The following BFSP1 variants were observed in gnomAD, a reference collection of about 807,000 sequenced individuals.
The protein encoded by BFSP1 is beaded filament structural protein 1.
Under a neutral mutation model 43.9 loss-of-function variants are expected in BFSP1, and 38 were observed. The ratio of observed to expected loss-of-function variants is 0.87; its 90% confidence interval spans 0.67 to 1.14. The LOEUF (loss-of-function observed/expected upper bound fraction) is 1.14. BFSP1 is among the 50% of genes most tolerant of loss of function. The pLI is 0.00. For synonymous variants in BFSP1, 352 were observed against 354.8 expected (o/e 0.99, Z 0.09); for missense variants, 850 against 875.1 (o/e 0.97, Z 0.36).
rs545032621 is a variant in BFSP1, at chr20:17,530,506, G to A, written c.377+447C>T. Among the ~76,000 whole-genome samples, 303 of 152,350 alleles carry A rather than the reference G, an allele frequency of 2.0e-3. 1 individual carries two copies. Among genetic ancestry groups the A allele is most frequent in the Non-Finnish European group, 3.3e-3 (227 of 68,028 alleles). ...TCTATTTTTGTGGAACTGTAGAATAGGCAAAGTCAATCTATGGTGATAGAA... is the reference window on the plus strand; with the variant it reads ...TCTATTTTTGTGGAACTGTAGAATAAGCAAAGTCAATCTATGGTGATAGAA... On this transcript the variant is annotated intron_variant, in intron 1 of 7. Coordinates refer to ENST00000377873, the MANE Select transcript of BFSP1 (RefSeq NM_001195.5).
intron 1 of BFSP1, among the ~76,000 whole-genome samples, chr20:17,566,316 T>G (rs2035119099): frequency 1.3e-5 from 2 of 152,182 alleles, no homozygotes; most frequent in Non-Finnish European, 2.9e-5. Context: ...TAATGTATCA[T>G]TTCTTCTTCC....
At position 17,553,834 on chromosome 20, in the gene BFSP1, TATAC is replaced by T. The variant is rs1342606403; in HGVS notation, c.2+4850_2+4853del. On this transcript the variant is annotated intron_variant, in intron 1 of 7. Transcript: ENST00000377868. Reference sequence around the variant, plus strand: ...ACACACACACACACACATATATATATATACACATATATATACATATATATACACA... The same window carrying T: ...ACACACACACACACACATATATATATACATATATATACATATATATACACA... 6.8e-4 allele frequency among the ~76,000 whole-genome samples: 58 copies of T among 84,976 alleles called. 1 individual carries two copies. The highest frequency in any genetic ancestry group is 8.7e-4 in the Non-Finnish European group (41 of 47,318). The allele number at this position is 84,976 out of a possible 152,430, so 55.7% of individuals were successfully genotyped here.
intron 2 of BFSP1, among the ~76,000 whole-genome samples, chr20:17,520,211 C>CG (rs201307572): frequency 0.023 from 2,188 of 95,212 alleles, 58 homozygotes; most frequent in African/African-American, 0.064. Flanking sequence ...TTTTAACGTG[C>CG]CCCCCCACCC....
intron 3 of BFSP1, among the ~76,000 whole-genome samples, chr20:17,512,534 T>A (rs145106444): frequency 6.6e-6 from 1 of 152,052 alleles, no homozygotes; most frequent in Non-Finnish European, 1.5e-5. Context: ...CTGGGCAACA[T>A]AGTAAGATCC....
upstream of BFSP1, among the ~76,000 whole-genome samples, chr20:17,532,485 A>T (rs1442491444): frequency 6.6e-6 from 1 of 151,920 alleles, no homozygotes; most frequent in Non-Finnish European, 1.5e-5. Context: ...ATACAAAAAA[A>T]TTTTAATAAA....
chr20:17,535,093 A>G (rs916663817), upstream of BFSP1, among the ~76,000 whole-genome samples: 8 of 152,232 alleles, frequency 5.3e-5, no homozygotes, highest in Non-Finnish European at 1.2e-4. Flanking sequence ...AAAAACTGCT[A>G]TAAAGGTTAT....
exon 1 of BFSP1, chr20:17,558,838 G>C (rs577614135): frequency 1.7e-6 from 2 of 1,176,668 alleles, no homozygotes; most frequent in East Asian, 5.2e-5. Flanking sequence ...AGAAAGAAAG[G>C]AGGCTTTAGA....
At chr20:17,508,557 A>T (rs2033995832) in intron 5 of BFSP1, among the ~76,000 whole-genome samples, 1 of 152,162 alleles carries the variant, frequency 6.6e-6, no homozygotes, top group African/African-American at 2.4e-5. Flanking sequence ...GGGCAAAATG[A>T]ATGCATGATG....
Position 17,509,006 on chromosome 20 carries a change from G to A in BFSP1, c.628-10C>T. On this transcript the variant is annotated splice_polypyrimidine_tract_variant and intron_variant, in intron 4 of 7. Transcript: ENST00000377873. The stretch of plus-strand genomic sequence containing the variant: ...CCGTCAGGAGCTTCTCCTGCACAGA[G>A]AAGGCCAGAGTCAGACTCATGGGAC... 1.3e-6 allele frequency: 2 copies of A among 1,551,354 alleles called. No individual in the cohort carries two copies. The highest frequency in any genetic ancestry group is 1.7e-6 in the Non-Finnish European group (2 of 1,149,954).
intron 5 of BFSP1, among the ~76,000 whole-genome samples, chr20:17,504,912 TTTTG>T (rs1431085771): frequency 1.0e-4 from 8 of 77,816 alleles, no homozygotes; most frequent in Non-Finnish European, 1.9e-4. Context: ...AAGGTTTTTT[TTTTG>T]TTTTTGTTTT....
intron 1 of BFSP1, among the ~76,000 whole-genome samples, chr20:17,552,237 G>A (rs957674199): frequency 1.3e-5 from 2 of 152,180 alleles, no homozygotes; most frequent in African/African-American, 2.4e-5. Context: ...ACGGAAGGAA[G>A]TGATGGGAAA....
Position 17,499,189 on chromosome 20 carries a change from G to A in BFSP1, c.736-149C>T, listed in dbSNP as rs544869991. On this transcript the variant is annotated intron_variant, in intron 5 of 7. Coordinates refer to ENST00000377873, the MANE Select transcript of BFSP1 (RefSeq NM_001195.5). ...TCGAGATTAGCAATGAATCACTTTG[G>A]AATCCTTAAGCTAAAAAGCAATGTG... 4.3e-4 allele frequency: 302 copies of A among 700,192 alleles called. 1 individual carries two copies. In the East Asian group the frequency reaches 8.0e-3, roughly 19 times the overall value. The allele number at this position is 700,192 out of a possible 1,614,324, so 43.4% of individuals were successfully genotyped here. A position where few individuals can be genotyped will look rare whatever the true frequency, so the allele number is the denominator to read the frequency against.
chr20:17,568,142 G>C (rs955401089), intron 1 of BFSP1, among the ~76,000 whole-genome samples: 2 of 152,114 alleles, frequency 1.3e-5, no homozygotes, highest in African/African-American at 4.8e-5. Flanking sequence ...CACTTAGGAA[G>C]ATATGGGAGA....
rs71192391 is a variant in BFSP1, at chr20:17,547,897, ATTTTTTTT to A, written c.2+10783_2+10790del. ...AGGCTTATGCCACCATGCCCGGCCA[ATTTTTTTT>A]TTTTTTTTTTTTTTGTATTTTTAGT... On this transcript the variant is annotated intron_variant, in intron 1 of 7. Coordinates refer to the BFSP1 transcript ENST00000377868. 5.9e-5 allele frequency among the ~76,000 whole-genome samples: 6 copies of A among 101,876 alleles called. No homozygotes were observed. The South Asian group carries it at 1.4e-3, about 23-fold the overall frequency. The allele number at this position is 101,876 out of a possible 152,430, so 66.8% of individuals were successfully genotyped here.
chr20:17,563,472 C>T (rs780636091), upstream of BFSP1, among the ~76,000 whole-genome samples: 33 of 151,298 alleles, frequency 2.2e-4, no homozygotes, highest in Non-Finnish European at 1.5e-4. Flanking sequence ...CCTCAGCCTC[C>T]GGAGTAGCTA....
intron 1 of BFSP1, among the ~76,000 whole-genome samples, chr20:17,549,552 A>C (rs2034861311): frequency 6.6e-6 from 1 of 152,146 alleles, no homozygotes; most frequent in Admixed American, 6.5e-5. Context: ...AACCATTCAC[A>C]GTCCAGGCAC....
chr20:17,567,907 T>C lies in BFSP1; in HGVS notation n.50+1264A>G, dbSNP rs112634989. ...TGAGAAGTGATGAACTCTGGGATTATAGAAGGAACTAGGGGGGTGAAGGAG... is the reference window on the plus strand; with the variant it reads ...TGAGAAGTGATGAACTCTGGGATTACAGAAGGAACTAGGGGGGTGAAGGAG... On this transcript the variant is annotated intron_variant and non_coding_transcript_variant, in intron 1 of 6. Coordinates refer to the BFSP1 transcript ENST00000473415. 9.0e-3 allele frequency among the ~76,000 whole-genome samples: 1,272 copies of C among 142,108 alleles called. 17 individuals carry two copies. The highest frequency in any genetic ancestry group is 0.032 in the African/African-American group (1,219 of 38,176). 93.2% of individuals were successfully genotyped at this position (142,108 alleles called of 152,430 possible). A position where few individuals can be genotyped will look rare whatever the true frequency, so the allele number is the denominator to read the frequency against.
chr20:17,517,168 A>G, intron 2 of BFSP1: 2 of 811,502 alleles, frequency 2.5e-6, no homozygotes, highest in East Asian at 4.8e-5. Flanking sequence ...AAGGTAGACG[A>G]GAATGGCAAA....
chr20:17,557,268 C>T (rs575676795), intron 1 of BFSP1, among the ~76,000 whole-genome samples: 10 of 152,230 alleles, frequency 6.6e-5, no homozygotes, highest in Non-Finnish European at 1.0e-4. Context: ...ATCTGGCCCT[C>T]GCAGTTTCTC....
Sources: allele counts gnomAD v4.1 joint callset (sites outside exome capture counted in the v4.1 genomes callset), GRCh38; gene constraint gnomAD v4.1.1; transcripts MANE v1.5; gene names NCBI Gene and HGNC (gene_info 2026-07-23, HGNC 2026-07-21).